The following AGBL5 variants were observed in gnomAD, a reference collection of about 807,000 sequenced individuals.
AGBL5 encodes cytosolic carboxypeptidase-like protein 5.
In AGBL5, 51 loss-of-function variants were observed where a neutral mutation model predicts 88.0. The observed-to-expected ratio is 0.58, with a 90% confidence interval of 0.46 to 0.73. The LOEUF is 0.73. Among genes scored for constraint, AGBL5 ranks in the 30% least tolerant of loss-of-function variants. AGBL5 has a pLI of 0.00. For missense variants in AGBL5, 1,031 were observed against 1,162.2 expected (o/e 0.89, Z 1.64); for synonymous variants, 446 against 438.8 (o/e 1.02, Z -0.21).
intron 11 of AGBL5, 182 bp downstream of exon 11, chr2:27,059,586 C>T (rs1355251562): frequency 1.1e-5 from 15 of 1,413,536 alleles, no homozygotes; most frequent in East Asian, 6.9e-5. Context: ...GATTCCAGAG[C>T]GGTATTGTGT....
In AGBL5 at chr2:27,051,739, C is replaced by T. The variant is rs533504884; in HGVS notation, c.-101C>T. ...GGGTGGAGGGCCCGGGTGCCGGGGC[C>T]CAAGGTGCGGCCTCGCTAGCGGGAG... is the stretch of plus-strand genomic sequence containing the variant. On this transcript the variant is annotated 5_prime_UTR_variant, in exon 1 of 15. Coordinates refer to ENST00000360131, the MANE Select transcript of AGBL5 (RefSeq NM_021831.6). 1.3e-5 allele frequency: 2 copies of T among 152,404 alleles called. No homozygotes were observed. Among genetic ancestry groups the T allele is most frequent in the African/African-American group, 4.8e-5 (2 of 41,574 alleles). 9.4% of individuals were successfully genotyped at this position (152,404 alleles called of 1,614,324 possible).
At position 27,070,439 on chromosome 2, in the gene AGBL5, C is replaced by T. The variant is rs1669231758; in HGVS notation, c.*176C>T. ...CCTTGAGACAGAACAAAACAGGGAC[C>T]TGCCACCCCTTCCCTCCCTCCGCAG... On this transcript the variant is annotated 3_prime_UTR_variant, in exon 15 of 15. Transcript: ENST00000360131. 3 of 603,952 alleles carry T rather than the reference C, an allele frequency of 5.0e-6. No homozygotes were observed. Among genetic ancestry groups the T allele is most frequent in the Non-Finnish European group, 8.5e-6 (3 of 352,726 alleles). The allele number at this position is 603,952 out of a possible 1,614,324, so 37.4% of individuals were successfully genotyped here. A position where few individuals can be genotyped will look rare whatever the true frequency, so the allele number is the denominator to read the frequency against.
At chr2:27,064,257 CCAA>C (rs3072661) in intron 11 of AGBL5, among the ~76,000 whole-genome samples, 142,668 of 150,994 alleles carry the variant, frequency 0.94, 67,897 homozygotes, top group East Asian at 1. Flanking sequence ...GCAACCTGTG[CCAA>C]CAACTCTCAC....
At chr2:27,058,803 C>A (rs1007352431) in intron 10 of AGBL5, among the ~76,000 whole-genome samples, 1 of 152,202 alleles carries the variant, frequency 6.6e-6, no homozygotes, top group African/African-American at 2.4e-5. Flanking sequence ...GCTACATACA[C>A]CTAAGAGATC....
At chr2:27,054,203 C>T in intron 4 of AGBL5, 144 bp downstream of exon 4, 13 of 1,032,970 alleles carry the variant, frequency 1.3e-5, no homozygotes, top group African/African-American at 1.6e-5. Context: ...CTTTGGGTAC[C>T]TTTGAAAACT....
chr2:27,062,052 G>T lies in AGBL5; in HGVS notation c.2089+2648G>T, dbSNP rs563953493. On this transcript the variant is annotated intron_variant, in intron 11 of 14. Transcript: ENST00000360131. The stretch of plus-strand genomic sequence containing the variant: ...TGGTCTTGAACTCCTGACCTCAGGC[G>T]GATTCACCCGCCTCAGCTTCCCAAA... Among the ~76,000 whole-genome samples the T allele has an allele frequency of 9.3e-5, 14 of 150,966 alleles. No homozygotes were observed. In the East Asian group the frequency reaches 2.5e-3, roughly 27 times the overall value.
At chr2:27,066,369 CAG>C (rs1491199665) in intron 11 of AGBL5, among the ~76,000 whole-genome samples, 3 of 151,510 alleles carry the variant, frequency 2.0e-5, no homozygotes, top group Admixed American at 6.6e-5. Flanking sequence ...TGCATGAAGA[CAG>C]GGAGAATGAA....
At position 27,070,477 on chromosome 2, in the gene AGBL5, G is replaced by A. The variant is rs1423414989; in HGVS notation, c.*214G>A. Reference sequence around the variant, plus strand: ...CCTCCCTCCGCAGCACAAGATTTTGGGACCACAAAAAAAAGTCTATATTTT... The same window carrying A: ...CCTCCCTCCGCAGCACAAGATTTTGAGACCACAAAAAAAAGTCTATATTTT... On this transcript the variant is annotated 3_prime_UTR_variant, in exon 15 of 15. Transcript: ENST00000360131. 5.7e-6 allele frequency: 3 copies of A among 528,076 alleles called. No homozygotes were observed. Among genetic ancestry groups the A allele is most frequent in the African/African-American group, 1.9e-5 (1 of 52,770 alleles). The allele number at this position is 528,076 out of a possible 1,614,324, so 32.7% of individuals were successfully genotyped here. A position where few individuals can be genotyped will look rare whatever the true frequency, so the allele number is the denominator to read the frequency against.
intron 10 of AGBL5, 87 bp downstream of exon 10, chr2:27,058,689 C>T (rs1558418234): frequency 2.1e-6 from 3 of 1,408,574 alleles, no homozygotes; most frequent in East Asian, 4.9e-5. Flanking sequence ...TATATTCCTT[C>T]CATCCTCCTC....
At position 27,053,718 on chromosome 2, in the gene AGBL5, C is replaced by T; in HGVS notation, c.387+145C>T. 7.4e-7 allele frequency: 1 copy of T among 1,345,876 alleles called. No homozygotes were observed. Among genetic ancestry groups the T allele is most frequent in the Non-Finnish European group, 1.0e-6 (1 of 1,001,102 alleles). 83.4% of individuals were successfully genotyped at this position (1,345,876 alleles called of 1,614,324 possible). ...CTTTTTCTCCAGTGTTAGCTAGAGT[C>T]CAAGATGAGCCCCTGCCTCAGGAAG... On this transcript the variant is annotated intron_variant, in intron 3 of 14. Transcript: ENST00000360131. This position sits in a 1 kb window ranked among gnomAD's most constrained non-coding sequence, Gnocchi z 4.9.
rs755342417 is a variant in AGBL5 at position 27,055,296 on chromosome 2, C to T, written c.908+43C>T. 4.4e-6 allele frequency: 7 copies of T among 1,592,438 alleles called. No individual in the cohort carries two copies. The African/African-American group carries it at 6.7e-5, about 15-fold the overall frequency. ...CCTGTCTGGACTGTTCCCATTTCCCCTCATGCCCTGCATCTCAGTGAAATT... is the reference window on the plus strand; with the variant it reads ...CCTGTCTGGACTGTTCCCATTTCCCTTCATGCCCTGCATCTCAGTGAAATT... On this transcript the variant is annotated intron_variant, in intron 6 of 14. Coordinates refer to ENST00000360131, the MANE Select transcript of AGBL5 (RefSeq NM_021831.6).
At position 27,069,571 on chromosome 2, in the gene AGBL5, A is replaced by G. The variant is rs1438705236; in HGVS notation, c.2356-2A>G. The G allele has an allele frequency of 3.7e-6, 6 of 1,612,664 alleles. No individual in the cohort carries two copies. The highest frequency in any genetic ancestry group is 1.3e-5 in the African/African-American group (1 of 74,884). On this transcript the variant is annotated splice_acceptor_variant, in intron 13 of 14. Coordinates refer to ENST00000360131, the MANE Select transcript of AGBL5 (RefSeq NM_021831.6). LOFTEE classifies it high-confidence loss of function. Reference sequence around the variant, plus strand: ...CTCTTAGCGCAAACCCTGTCCACACAGGCTAGGCCCAGGTTGGGCCGGGGC... The same window carrying G: ...CTCTTAGCGCAAACCCTGTCCACACGGGCTAGGCCCAGGTTGGGCCGGGGC...
In AGBL5 at chr2:27,054,067, C is replaced by T; in HGVS notation, c.551+8C>T. ...CCACCCTACCCATAGCAGGTGCCAG[C>T]CCCATTCTTACTCCTGCCACACAGT... On this transcript the variant is annotated splice_region_variant and intron_variant, in intron 4 of 14. Coordinates refer to ENST00000360131, the MANE Select transcript of AGBL5 (RefSeq NM_021831.6). 6.2e-7 allele frequency: 1 copy of T among 1,605,932 alleles called. No individual in the cohort carries two copies. The highest frequency in any genetic ancestry group is 2.2e-5 in the East Asian group (1 of 44,630).
intron 8 of AGBL5, chr2:27,057,007 CAAA>C: frequency 1.8e-6 from 1 of 564,332 alleles, no homozygotes; most frequent in Non-Finnish European, 3.0e-6. Flanking sequence ...AAAAAAAAAA[CAAA>C]AAACAACACC....
rs1176586880 is a variant in AGBL5, at chr2:27,055,865, C to T, written c.1092C>T (p.Asp364=). ...SCLPPDAPVS[D]LEKANNLQNE... ...TCCCTCCTGATGCTCCTGTTTCTGA[C>T]CTGGAGAAAGCCAACAATCTCCAAA... The change falls in exon 7 of 15, where the codon GAC becomes GAT. Residue 364 remains aspartate, a synonymous_variant. Coordinates refer to ENST00000360131, the MANE Select transcript of AGBL5 (RefSeq NM_021831.6). 1 of 1,614,214 alleles carries T rather than the reference C, an allele frequency of 6.2e-7. No homozygotes were observed. The highest frequency in any genetic ancestry group is 1.3e-5 in the African/African-American group (1 of 75,040).
In AGBL5 at chr2:27,068,300, G is replaced by A. The variant is rs183965692; in HGVS notation, c.2243-332G>A. ...TGACACAGGAGTTAAGCTTGGGTGC[G>A]TTCCGATTCTAGCCTGGAGTTGCTG... On this transcript the variant is annotated intron_variant, in intron 12 of 14. Transcript: ENST00000360131. Among the ~76,000 whole-genome samples, 78 of 152,234 alleles carry A rather than the reference G, an allele frequency of 5.1e-4. 1 individual carries two copies. The highest frequency in any genetic ancestry group is 4.8e-3 in the Admixed American group (74 of 15,282).
At chr2:27,057,540 T>A in intron 9 of AGBL5, 102 bp downstream of exon 9, 1 of 1,330,928 alleles carries the variant, frequency 7.5e-7, no homozygotes, top group Middle Eastern at 2.0e-4. Flanking sequence ...GAGATATTCA[T>A]CACTATGGCC....
rs892325524 is a variant in AGBL5 at position 27,069,999 on chromosome 2, G to C, written c.2490-93G>C. 7 of 1,532,988 alleles carry C rather than the reference G, an allele frequency of 4.6e-6. No individual in the cohort carries two copies. The East Asian group carries it at 6.8e-5, about 15-fold the overall frequency. 95.0% of individuals were successfully genotyped at this position (1,532,988 alleles called of 1,614,324 possible). A position where few individuals can be genotyped will look rare whatever the true frequency, so the allele number is the denominator to read the frequency against. On this transcript the variant is annotated intron_variant, in intron 14 of 14. Transcript: ENST00000360131. ...GCCCATCCTTACCCATCTTCATCTC[G>C]CTCCACTTCTTTCACTTCCCAGCCC... is the stretch of plus-strand genomic sequence containing the variant.
chr2:27,056,843 C>A, intron 8 of AGBL5, 51 bp downstream of exon 8: 1 of 1,544,860 alleles, frequency 6.5e-7, no homozygotes, highest in South Asian at 1.2e-5. Flanking sequence ...CTAAAGAAAA[C>A]ACCGTAGCTG....
Sources: allele counts gnomAD v4.1 joint callset (sites outside exome capture counted in the v4.1 genomes callset), GRCh38; gene constraint gnomAD v4.1.1; non-coding constraint Gnocchi (gnomAD v3.1); transcripts MANE v1.5; gene names NCBI Gene and HGNC (gene_info 2026-07-23, HGNC 2026-07-21).